ZNF366: variants seen among roughly 807,000 people sequenced by gnomAD.
ZNF366 encodes the protein dendritic cell-specific transcript protein.
A neutral mutation model predicts 47.2 loss-of-function variants in ZNF366; 20 were observed. That is an observed-to-expected ratio of 0.42 (90% confidence interval 0.30 to 0.62). ZNF366 has a LOEUF of 0.62. Ranked by LOEUF, ZNF366 falls within the 20% of genes least tolerant of loss-of-function variation. The probability of loss-of-function intolerance (pLI) is 0.16; values close to 1 mark genes in which losing one functional copy is unlikely to be tolerated. For synonymous variants in ZNF366, 421 were observed against 395.1 expected, an observed-to-expected ratio of 1.07 and a Z score of -0.78; for missense variants, 987 against 976.3, an observed-to-expected ratio of 1.01 and a Z score of -0.15.
At chr5:72,482,746 TTG>T (rs3041122) in intron 1 of ZNF366, among the ~76,000 whole-genome samples, 4,267 of 140,946 alleles carry the variant, frequency 0.03, 159 homozygotes, top group African/African-American at 0.091. Flanking sequence ...CATTTCTATT[TTG>T]TGTGTGTGTG....
At position 72,487,620 on chromosome 5, in the gene ZNF366, C is replaced by T. The variant is rs191585540; in HGVS notation, c.-15+19631G>A. 2.6e-5 allele frequency among the ~76,000 whole-genome samples: 4 copies of T among 152,212 alleles called. No homozygotes were observed. In the East Asian group the frequency reaches 7.7e-4, roughly 29 times the overall value. On this transcript the variant is annotated intron_variant, in intron 1 of 4. Coordinates refer to ENST00000318442, the MANE Select transcript of ZNF366 (RefSeq NM_152625.3). ...AGCTGCCAAGGGTCAACTACCATGCCCTTAGCCTGACAGCAACCCTTGTCC... is the reference window on the plus strand; with the variant it reads ...AGCTGCCAAGGGTCAACTACCATGCTCTTAGCCTGACAGCAACCCTTGTCC...
intron 1 of ZNF366, among the ~76,000 whole-genome samples, chr5:72,471,021 A>C (rs1685572742): frequency 6.6e-6 from 1 of 152,240 alleles, no homozygotes; most frequent in Admixed American, 6.5e-5. Context: ...TGAGTCTCTC[A>C]GTGAGTATGC....
chr5:72,469,914 A>G (rs940436985), intron 1 of ZNF366, among the ~76,000 whole-genome samples: 9 of 152,146 alleles, frequency 5.9e-5, no homozygotes, highest in Admixed American at 5.9e-4. Context: ...GTATGGTGGT[A>G]TGGGCCTGCC....
At chr5:72,504,055 G>A (rs949143725) in intron 1 of ZNF366, among the ~76,000 whole-genome samples, 2 of 151,396 alleles carry the variant, frequency 1.3e-5, no homozygotes, top group African/African-American at 2.4e-5. Context: ...ATGCACACAC[G>A]CACGCACACA....
rs370359641 is a variant in ZNF366, at chr5:72,460,436, G to T, written c.1061C>A (p.Ala354Asp). Residue 354 changes from alanine (A) to aspartate (D), a missense_variant, in exon 2 of 5, where the codon GCC becomes GAC. By Grantham distance (126) the Ala-to-Asp change is moderately radical (BLOSUM62 -2). This residue lies in a region of ZNF366 where 591 missense variants were observed against 560.9 expected (regional missense o/e 1.05). Transcript: ENST00000318442. ...RGFAYPSELK[A>D]HEAKHASGRE... ...CCCACTGGCGTGCTTGGCTTCGTGG[G>T]CCTTGAGCTCGCTGGGGTAGGCAAA... is the stretch of plus-strand genomic sequence containing the variant. The T allele has an allele frequency of 6.2e-7, 1 of 1,614,158 alleles. No homozygotes were observed. Among genetic ancestry groups the T allele is most frequent in the Admixed American group, 1.7e-5 (1 of 60,022 alleles).
intron 3 of ZNF366, among the ~76,000 whole-genome samples, chr5:72,455,509 G>A (rs181216001): frequency 2.6e-4 from 39 of 152,276 alleles, no homozygotes; most frequent in Non-Finnish European, 4.6e-4. Flanking sequence ...CTTCATGACC[G>A]GATGACACTT....
chr5:72,447,840 C>T (rs1310848645), intron 3 of ZNF366, among the ~76,000 whole-genome samples: 1 of 152,150 alleles, frequency 6.6e-6, no homozygotes, highest in Non-Finnish European at 1.5e-5. Context: ...AATTCTCACA[C>T]CAATCATATG....
intron 1 of ZNF366, chr5:72,493,720 A>C (rs1171223225): frequency 6.6e-6 from 1 of 152,158 alleles, no homozygotes; most frequent in Non-Finnish European, 1.5e-5. Flanking sequence ...AAAATACAAA[A>C]TAAAAGCTAT....
intron 3 of ZNF366, among the ~76,000 whole-genome samples, chr5:72,454,139 C>A (rs936087283): frequency 3.3e-5 from 5 of 152,192 alleles, no homozygotes; most frequent in African/African-American, 1.2e-4. Flanking sequence ...AGACATGGAG[C>A]CTCATCTAAC....
intron 1 of ZNF366, among the ~76,000 whole-genome samples, chr5:72,496,297 C>CA (rs1360705508): frequency 3.7e-4 from 57 of 152,190 alleles, no homozygotes; most frequent in Non-Finnish European, 7.9e-4. Context: ...CCCCTGGCCC[C>CA]AGGAAACCAC....
At chr5:72,446,249 A>C (rs971081642) in intron 4 of ZNF366, among the ~76,000 whole-genome samples, 1 of 152,226 alleles carries the variant, frequency 6.6e-6, no homozygotes, top group Non-Finnish European at 1.5e-5. Context: ...AGAATAACAC[A>C]GTCTCTTTCA....
At position 72,443,595 on chromosome 5, in the gene ZNF366, C is replaced by T; in HGVS notation, c.*161G>A. 1.3e-6 allele frequency: 1 copy of T among 782,768 alleles called. No homozygotes were observed. Among genetic ancestry groups the T allele is most frequent in the Non-Finnish European group, 2.0e-6 (1 of 505,078 alleles). 48.5% of individuals were successfully genotyped at this position (782,768 alleles called of 1,614,324 possible). A position where few individuals can be genotyped will look rare whatever the true frequency, so the allele number is the denominator to read the frequency against. ...GGGTATCAAGGGCCCCGTGAATGAC[C>T]TGAGAAGGCTTTCCATTACCTACAT... On this transcript the variant is annotated 3_prime_UTR_variant, in exon 5 of 5. Transcript: ENST00000318442.
chr5:72,489,433 G>T (rs1289446424), intron 1 of ZNF366, among the ~76,000 whole-genome samples: 1 of 152,100 alleles, frequency 6.6e-6, no homozygotes, highest in Non-Finnish European at 1.5e-5. Context: ...GGGGTTGTTT[G>T]TTATTGGAGC....
At position 72,456,661 on chromosome 5, in the gene ZNF366, G is replaced by T. The variant is rs554963632; in HGVS notation, c.1333-66C>A. On this transcript the variant is annotated intron_variant, in intron 2 of 4. Coordinates refer to ENST00000318442, the MANE Select transcript of ZNF366 (RefSeq NM_152625.3). ...TAACATGCTTTCATCAGGATCATAG[G>T]CTTCATTTTCCTCTCTGCCACATAA... 1.5e-5 allele frequency: 21 copies of T among 1,441,700 alleles called. No homozygotes were observed. In the South Asian group the frequency reaches 2.9e-4, roughly 20 times the overall value. 89.3% of individuals were successfully genotyped at this position (1,441,700 alleles called of 1,614,324 possible). A position where few individuals can be genotyped will look rare whatever the true frequency, so the allele number is the denominator to read the frequency against.
At chr5:72,475,267 T>C (rs1338272633) in intron 1 of ZNF366, among the ~76,000 whole-genome samples, 1 of 152,132 alleles carries the variant, frequency 6.6e-6, no homozygotes, top group Non-Finnish European at 1.5e-5. Flanking sequence ...TGGTCCCTGA[T>C]GTATTTACTG....
At chr5:72,477,101 T>C (rs1467856552) in intron 1 of ZNF366, among the ~76,000 whole-genome samples, 1 of 152,224 alleles carries the variant, frequency 6.6e-6, no homozygotes, top group Non-Finnish European at 1.5e-5. Context: ...TGTCAAAAGG[T>C]TGGTTTTCTT....
Position 72,460,316 on chromosome 5 carries a change from T to C in ZNF366, c.1181A>G (p.Asn394Ser). ...GAAGGTCTTGTCGCACTCGGAGCAG[T>C]TGTACTGGATGGGGCCCCGGTGCGT... The part of the protein sequence containing the change: ...LTTHRGPIQY[N>S]CSECDKTFQY... Residue 394 changes from asparagine (N) to serine (S), a missense_variant, in exon 2 of 5, where the codon AAC becomes AGC. By Grantham distance (46) the Asn-to-Ser change is conservative (BLOSUM62 1). Around this residue, in one of 3 missense-constraint regions of ZNF366, gnomAD observed 591 missense variants for 560.9 expected, o/e 1.05. Coordinates refer to ENST00000318442, the MANE Select transcript of ZNF366 (RefSeq NM_152625.3). 6.2e-7 allele frequency: 1 copy of C among 1,614,162 alleles called. No individual in the cohort carries two copies. The highest frequency in any genetic ancestry group is 8.5e-7 in the Non-Finnish European group (1 of 1,180,016).
intron 1 of ZNF366, chr5:72,472,523 C>G (rs1442412243): frequency 1.0e-6 from 1 of 985,034 alleles, no homozygotes; most frequent in African/African-American, 1.7e-5. Context: ...AATTTGGGGA[C>G]TTGCAAAATT....
At chr5:72,497,085 G>C (rs376435210) in intron 1 of ZNF366, among the ~76,000 whole-genome samples, 5 of 152,098 alleles carry the variant, frequency 3.3e-5, no homozygotes, top group Admixed American at 6.5e-5. Context: ...CTAGTTTGCC[G>C]CTTGTCTTTT....
Sources: allele counts gnomAD v4.1 joint callset (sites outside exome capture counted in the v4.1 genomes callset), GRCh38; gene constraint gnomAD v4.1.1; regional missense constraint gnomAD v4.1.1; transcripts MANE v1.5; gene names NCBI Gene and HGNC (gene_info 2026-07-23, HGNC 2026-07-21).